FCHO2: variants seen among roughly 807,000 people sequenced by gnomAD.
FCHO2 encodes the protein F-BAR domain only protein 2.
A neutral mutation model predicts 114.1 loss-of-function variants in FCHO2; 43 were observed. That is an observed-to-expected ratio of 0.38 (90% CI 0.30 to 0.49). The LOEUF is 0.49. Among genes scored for constraint, FCHO2 ranks in the 20% least tolerant of loss-of-function variants. FCHO2 has a pLI of 0.97. For synonymous variants in FCHO2, 293 were observed against 315.2 expected (o/e 0.93, Z 0.75); for missense variants, 807 against 950.4 (o/e 0.85, Z 1.98).
At chr5:73,049,824 T>G (rs2112830769) in intron 11 of FCHO2, among the ~76,000 whole-genome samples, 1 of 152,324 alleles carries the variant, frequency 6.6e-6, no homozygotes, top group African/African-American at 2.4e-5. Flanking sequence ...TGAAGAATTC[T>G]AAACAAATTG....
chr5:72,973,311 G>T (rs1435144989), intron 2 of FCHO2, among the ~76,000 whole-genome samples: 1 of 152,150 alleles, frequency 6.6e-6, no homozygotes, highest in East Asian at 1.9e-4. Context: ...GGTAGAATTT[G>T]GCTGTGAATC....
rs1001774894 is a variant in FCHO2 at position 73,088,757 on chromosome 5, C to A, written c.*667C>A. The A allele has an allele frequency of 6.6e-6, 1 of 152,562 alleles. No homozygotes were observed. The highest frequency in any genetic ancestry group is 2.4e-5 in the African/African-American group (1 of 41,436). The allele number at this position is 152,562 out of a possible 1,614,324, so 9.5% of individuals were successfully genotyped here. A position where few individuals can be genotyped will look rare whatever the true frequency, so the allele number is the denominator to read the frequency against. Reference sequence around the variant, plus strand: ...CAAATGACAGCAGAGACATTTACTTCTGCAGTTAGTTAACTTTATAGGAGT... The same window carrying A: ...CAAATGACAGCAGAGACATTTACTTATGCAGTTAGTTAACTTTATAGGAGT... On this transcript the variant is annotated 3_prime_UTR_variant, in exon 26 of 26. Transcript: ENST00000430046.
chr5:72,985,902 T>C (rs367608791), intron 2 of FCHO2, among the ~76,000 whole-genome samples: 41 of 152,284 alleles, frequency 2.7e-4, no homozygotes, highest in African/African-American at 9.6e-4. Context: ...GTGGTTAATA[T>C]CTTTTATCAG....
intron 6 of FCHO2, among the ~76,000 whole-genome samples, chr5:73,010,928 C>T (rs1164333595): frequency 3.4e-5 from 5 of 146,262 alleles, no homozygotes; most frequent in Non-Finnish European, 1.5e-5. Flanking sequence ...CTTACACATA[C>T]CTAGATGGTG....
intron 8 of FCHO2, among the ~76,000 whole-genome samples, chr5:73,026,297 C>T (rs1018930366): frequency 6.6e-5 from 10 of 152,060 alleles, no homozygotes; most frequent in Non-Finnish European, 1.3e-4. Flanking sequence ...TGGTGAAACC[C>T]TGTCTCTACT....
In FCHO2 at chr5:73,052,514, A is replaced by G. The variant is rs1477292317; in HGVS notation, c.1173+7A>G. On this transcript the variant is annotated splice_region_variant and intron_variant, in intron 13 of 25. Coordinates refer to ENST00000430046, the MANE Select transcript of FCHO2 (RefSeq NM_138782.3). ...ACTCTCCCCAGCAATATCTGTAAGT[A>G]CAAACACGTTTGTACTCTTTATATA... The G allele has an allele frequency of 6.3e-7, 1 of 1,576,194 alleles. No individual in the cohort carries two copies. Among genetic ancestry groups the G allele is most frequent in the South Asian group, 1.2e-5 (1 of 85,898 alleles).
At chr5:72,958,833 G>A (rs1385089837) in intron 1 of FCHO2, among the ~76,000 whole-genome samples, 1 of 152,138 alleles carries the variant, frequency 6.6e-6, no homozygotes, top group African/African-American at 2.4e-5. Context: ...TTTTTAAGTT[G>A]CTAACTTAAT....
intron 19 of FCHO2, among the ~76,000 whole-genome samples, chr5:73,070,265 A>G (rs1206687984): frequency 6.6e-6 from 1 of 152,146 alleles, no homozygotes; most frequent in Non-Finnish European, 1.5e-5. Context: ...GCCATTGTAA[A>G]AAGACGATAA....
intron 19 of FCHO2, among the ~76,000 whole-genome samples, chr5:73,074,537 A>G (rs950689073): frequency 6.6e-5 from 10 of 151,748 alleles, no homozygotes; most frequent in African/African-American, 2.4e-4. Context: ...TCTGTGTGAC[A>G]TGTCTTCCTG....
intron 23 of FCHO2, 87 bp from the exon 24 acceptor site, chr5:73,082,674 T>G: frequency 9.4e-7 from 1 of 1,059,478 alleles, no homozygotes; most frequent in South Asian, 1.5e-5. Flanking sequence ...GTGAAAATAT[T>G]TAAAATACAC....
chr5:73,074,702 C>A (rs2198891), intron 19 of FCHO2, 40 bp from the exon 20 acceptor site: 31,873 of 1,543,062 alleles, frequency 0.021, 606 homozygotes, highest in East Asian at 0.083. Flanking sequence ...TAATTTATGT[C>A]TTTCTGAAGG....
In FCHO2 at chr5:73,051,965, G is replaced by T. The variant is rs181887233; in HGVS notation, c.998-367G>T. 1.9e-4 allele frequency among the ~76,000 whole-genome samples: 29 copies of T among 151,598 alleles called. No homozygotes were observed. The East Asian group carries it at 5.5e-3, about 29-fold the overall frequency. Reference sequence around the variant, plus strand: ...TTGAGATGAAGTCTCACTCTGTCACGCAGGCTGGAGTGCAGTGGTGCGATC... The same window carrying T: ...TTGAGATGAAGTCTCACTCTGTCACTCAGGCTGGAGTGCAGTGGTGCGATC... On this transcript the variant is annotated intron_variant, in intron 12 of 25. Transcript: ENST00000430046.
rs1743400279 is a variant in FCHO2, at chr5:73,088,993, A to G, written c.*903A>G. 6.6e-6 allele frequency: 1 copy of G among 152,554 alleles called. No homozygotes were observed. Among genetic ancestry groups the G allele is most frequent in the Non-Finnish European group, 1.5e-5 (1 of 68,004 alleles). 9.5% of individuals were successfully genotyped at this position (152,554 alleles called of 1,614,324 possible). On this transcript the variant is annotated 3_prime_UTR_variant, in exon 26 of 26. Transcript: ENST00000430046. Reference sequence around the variant, plus strand: ...TTTATAAGATATTTGCAATTTTTGTAAATATTTTTGGCCTGCAACTGGGAA... The same window carrying G: ...TTTATAAGATATTTGCAATTTTTGTGAATATTTTTGGCCTGCAACTGGGAA...
At chr5:73,084,690 G>T (rs1370556438) in intron 24 of FCHO2, among the ~76,000 whole-genome samples, 6 of 152,142 alleles carry the variant, frequency 3.9e-5, no homozygotes. Flanking sequence ...AGATATTTCT[G>T]TAGAAAGGAC....
At chr5:73,009,014 G>T (rs1304221930) in intron 6 of FCHO2, among the ~76,000 whole-genome samples, 1 of 152,336 alleles carries the variant, frequency 6.6e-6, no homozygotes, top group East Asian at 1.9e-4. Flanking sequence ...TAGAGTGTGG[G>T]GAAGAAAGGG....
chr5:73,051,322 T>A (rs1757325759), intron 11 of FCHO2, 27 bp from the exon 12 acceptor site: 6 of 1,454,666 alleles, frequency 4.1e-6, no homozygotes, highest in Middle Eastern at 1.7e-4. Flanking sequence ...GAGTTGTCAT[T>A]ATAATTTTTT....
In FCHO2 at chr5:73,081,833, G is replaced by T. The variant is rs780905788; in HGVS notation, c.2031G>T (p.Trp677Cys). 1.2e-6 allele frequency: 2 copies of T among 1,607,304 alleles called. No homozygotes were observed. Among genetic ancestry groups the T allele is most frequent in the South Asian group, 2.2e-5 (2 of 89,842 alleles). The change falls in exon 23 of 26, where the codon TGG becomes TGT. Residue 677 changes from tryptophan to cysteine, a missense_variant. Physicochemically the swap from Trp to Cys is radical, Grantham distance 215 (BLOSUM62 -2). Coordinates refer to ENST00000430046, the MANE Select transcript of FCHO2 (RefSeq NM_138782.3). ...QSTPLNLATY[W>C]KCSASTTDLR... ...CTCCTCTGAATCTTGCAACATACTG[G>T]AAATGTAGTGCTAGCACCACAGATC... is the stretch of plus-strand genomic sequence containing the variant.
chr5:72,969,174 G>C (rs1003264753), intron 2 of FCHO2, among the ~76,000 whole-genome samples: 6 of 152,072 alleles, frequency 3.9e-5, no homozygotes, highest in African/African-American at 2.4e-5. Flanking sequence ...CCCCAACTTT[G>C]TAATTATTTA....
At chr5:73,060,045 C>T (rs923962062) in intron 17 of FCHO2, among the ~76,000 whole-genome samples, 1 of 151,730 alleles carries the variant, frequency 6.6e-6, no homozygotes, top group Admixed American at 6.6e-5. Flanking sequence ...TATAATTCTG[C>T]TCATTGTTTC....
Sources: gnomAD v4.1 joint callset for allele counts (sites outside exome capture counted in the v4.1 genomes callset) on GRCh38, gnomAD v4.1.1 for gene constraint, MANE v1.5 for transcripts, NCBI Gene and HGNC (gene_info 2026-07-23, HGNC 2026-07-21) for gene names.